Variants in RPE observed in about 807,000 individuals in gnomAD.
The protein encoded by RPE is ribulose-phosphate 3-epimerase.
Under a neutral mutation model 24.6 loss-of-function variants are expected in RPE, and 16 were observed. The ratio of observed to expected loss-of-function variants is 0.65; its 90% CI spans 0.44 to 0.99. The LOEUF is 0.99. Ranked by LOEUF, RPE falls within the 50% of genes least tolerant of loss-of-function variation. RPE has a pLI of 0.00. For missense variants in RPE, 240 were observed against 294.5 expected (o/e 0.81, Z 1.35); for synonymous variants, 93 against 98.4 (o/e 0.94, Z 0.33).
At chr2:210,009,580 G>T in intron 1 of RPE, 77 bp from the exon 2 acceptor site, 1 of 1,564,954 alleles carries the variant, frequency 6.4e-7, no homozygotes, top group Non-Finnish European at 8.8e-7. Flanking sequence ...CCCTCAACCT[G>T]TGTCAGAATT....
chr2:210,016,404 T>G, intron 3 of RPE, 103 bp from the exon 4 acceptor site: 1 of 1,573,886 alleles, frequency 6.4e-7, no homozygotes, highest in Non-Finnish European at 8.6e-7. Context: ...CTTGTTAACT[T>G]TTAAAAAATA....
chr2:210,017,510 T>C lies in RPE; in HGVS notation c.515T>C (p.Ile172Thr). The change falls in exon 5 of 6, where the codon ATA becomes ACA. Residue 172 changes from isoleucine (I) to threonine (T), a missense_variant. Physicochemically the swap from Ile to Thr is moderately conservative, Grantham distance 89 (BLOSUM62 -1). Transcript: ENST00000359429. Reference protein sequence around the residue: ...WLRTQFPSLDIEVDGGVGPDT... With the variant: ...WLRTQFPSLDTEVDGGVGPDT... ...AGGACCCAGTTCCCATCTTTGGATA[T>C]AGAGGTCGATGGTGGAGTAGGTCCT... The C allele has an allele frequency of 1.9e-6, 3 of 1,606,094 alleles. No homozygotes were observed. The highest frequency in any genetic ancestry group is 2.6e-6 in the Non-Finnish European group (3 of 1,175,192).
At chr2:210,016,704 T>C in intron 4 of RPE, 63 bp downstream of exon 4, 3 of 1,606,168 alleles carry the variant, frequency 1.9e-6, no homozygotes, top group Non-Finnish European at 2.6e-6. Context: ...TAAGCATTTA[T>C]TGAAAGGCTT....
At position 210,019,872 on chromosome 2, in the gene RPE, G is replaced by A; in HGVS notation, c.*81G>A. On this transcript the variant is annotated 3_prime_UTR_variant, in exon 6 of 6. Coordinates refer to ENST00000359429, the MANE Select transcript of RPE (RefSeq NM_199229.3). ...GGAATATTGACTACCAAATCACAAT[G>A]CAATTGAAGCCGTACTGCTTTTTTG... is the stretch of plus-strand genomic sequence containing the variant. The A allele has an allele frequency of 6.7e-7, 1 of 1,499,364 alleles. No homozygotes were observed. The highest frequency in any genetic ancestry group is 9.0e-7 in the Non-Finnish European group (1 of 1,114,754). The allele number at this position is 1,499,364 out of a possible 1,614,324, so 92.9% of individuals were successfully genotyped here.
At chr2:210,014,258 T>A (rs1460186204) in intron 2 of RPE, among the ~76,000 whole-genome samples, 1 of 151,876 alleles carries the variant, frequency 6.6e-6, no homozygotes, top group Non-Finnish European at 1.5e-5. Context: ...CCAGCTAATT[T>A]TTTTGTATTT....
chr2:210,018,677 G>A (rs1423467872), intron 5 of RPE: 2 of 985,126 alleles, frequency 2.0e-6, no homozygotes, highest in African/African-American at 3.5e-5. Context: ...ACTAAACTGT[G>A]CTTTGCCAGT....
At chr2:210,018,197 T>G in intron 5 of RPE, 1 of 1,534,640 alleles carries the variant, frequency 6.5e-7, no homozygotes, top group Non-Finnish European at 8.7e-7. Context: ...AAGTGAGAAA[T>G]TTTTCCAAAA....
At chr2:210,017,019 C>T (rs1479272051) in intron 4 of RPE, among the ~76,000 whole-genome samples, 1 of 152,052 alleles carries the variant, frequency 6.6e-6, no homozygotes, top group Non-Finnish European at 1.5e-5. Context: ...AATTCTTACA[C>T]ATTTTAGTAG....
chr2:210,014,487 C>T (rs1485932074), intron 2 of RPE, among the ~76,000 whole-genome samples: 1 of 151,990 alleles, frequency 6.6e-6, no homozygotes, highest in African/African-American at 2.4e-5. Context: ...TAAAGTTTTA[C>T]CTATTAAAAT....
At chr2:210,017,864 CCT>C (rs1377587937) in intron 5 of RPE, 1 of 558,998 alleles carries the variant, frequency 1.8e-6, no homozygotes, top group Admixed American at 3.2e-5. Context: ...CCTGCCTCAG[CCT>C]CCTGAGTAGC....
At chr2:210,005,833 G>A (rs2093624074) in intron 1 of RPE, among the ~76,000 whole-genome samples, 1 of 152,178 alleles carries the variant, frequency 6.6e-6, no homozygotes, top group Admixed American at 6.5e-5. Flanking sequence ...TGATTCACAG[G>A]AAGATTGTGT....
At chr2:210,002,951 A>C (rs1043377124) in intron 1 of RPE, among the ~76,000 whole-genome samples, 168 bp downstream of exon 1, 1 of 152,152 alleles carries the variant, frequency 6.6e-6, no homozygotes, top group African/African-American at 2.4e-5. Context: ...TAGCAGGAGC[A>C]GAACCGACGC....
intron 3 of RPE, 112 bp downstream of exon 3, chr2:210,016,224 T>C (rs372098307): frequency 6.8e-6 from 11 of 1,613,998 alleles, no homozygotes; most frequent in Admixed American, 3.3e-5. Context: ...TCACCCAGGC[T>C]GAAGTGCAGT....
chr2:210,017,603 A>G (rs2093791697), intron 5 of RPE, 44 bp downstream of exon 5: 1 of 1,562,740 alleles, frequency 6.4e-7, no homozygotes, highest in Non-Finnish European at 8.8e-7. Context: ...TTCCCGTCAA[A>G]TATGTCTCCA....
At position 210,019,071 on chromosome 2, in the gene RPE, G is replaced by A. The variant is rs531003668; in HGVS notation, c.565-598G>A. Among the ~76,000 whole-genome samples the A allele has an allele frequency of 8.5e-5, 13 of 152,200 alleles. No individual in the cohort carries two copies. In the South Asian group the frequency reaches 2.7e-3, roughly 32 times the overall value. ...AGTTAAATTTGGACCCAATTTTTTA[G>A]CTTTTCTTTTTCAATTTCTTTGCTT... On this transcript the variant is annotated intron_variant, in intron 5 of 5. Coordinates refer to ENST00000359429, the MANE Select transcript of RPE (RefSeq NM_199229.3).
intron 1 of RPE, among the ~76,000 whole-genome samples, chr2:210,006,731 T>C (rs2093636182): frequency 6.6e-6 from 1 of 152,244 alleles, no homozygotes; most frequent in African/African-American, 2.4e-5. Context: ...AAACATTCAA[T>C]AGGCCTTACT....
chr2:210,017,730 ATGCTTTTT>A lies in RPE; in HGVS notation c.564+173_564+180del, dbSNP rs1249044801. 26 of 376,406 alleles carry A rather than the reference ATGCTTTTT, an allele frequency of 6.9e-5. 1 individual carries two copies. The highest frequency in any genetic ancestry group is 1.0e-4 in the Non-Finnish European group (22 of 213,666). The allele number at this position is 376,406 out of a possible 1,614,324, so 23.3% of individuals were successfully genotyped here. On this transcript the variant is annotated intron_variant, in intron 5 of 5. Transcript: ENST00000359429. The stretch of plus-strand genomic sequence containing the variant: ...GGAAAATAAACAGCCATAAGTGGAT[ATGCTTTTT>A]TTTTTTTTTTTTTTTTTTCTTTTTC...
At chr2:210,019,205 CACTT>C (rs751604341) in intron 5 of RPE, among the ~76,000 whole-genome samples, 3 of 152,174 alleles carry the variant, frequency 2.0e-5, no homozygotes, top group Admixed American at 6.5e-5. Flanking sequence ...AACGAGAACT[CACTT>C]AATTTTGCCG....
At chr2:210,014,862 C>T (rs2093749035) in intron 2 of RPE, among the ~76,000 whole-genome samples, 2 of 152,086 alleles carry the variant, frequency 1.3e-5, no homozygotes, top group Non-Finnish European at 2.9e-5. Flanking sequence ...TCCTCACTAC[C>T]ATCTATCAAA....
Sources: gnomAD v4.1 joint callset for allele counts (sites outside exome capture counted in the v4.1 genomes callset) on GRCh38, gnomAD v4.1.1 for gene constraint, MANE v1.5 for transcripts, NCBI Gene and HGNC (gene_info 2026-07-23, HGNC 2026-07-21) for gene names.